Variants in PCDH9 observed in about 807,000 individuals in gnomAD.
The protein encoded by PCDH9 is protocadherin-9.
Under a neutral mutation model 70.6 loss-of-function variants are expected in PCDH9, and 24 were observed. That is an observed-to-expected ratio of 0.34 (90% CI 0.25 to 0.48). The LOEUF (loss-of-function observed/expected upper bound fraction) is 0.48. PCDH9 is among the 20% of genes least tolerant of loss of function. The pLI is 0.99. For missense variants in PCDH9, 1,281 were observed against 1,503.6 expected (o/e 0.85, Z 2.45); for synonymous variants, 562 against 558.5 (o/e 1.01, Z -0.09).
intron 2 of PCDH9, among the ~76,000 whole-genome samples, chr13:67,176,229 G>A (rs934076215): frequency 6.6e-6 from 1 of 152,278 alleles, no homozygotes; most frequent in Admixed American, 6.5e-5. Context: ...CTCAAAAAGA[G>A]CGGTGATGCA....
chr13:66,646,212 AGTGAT>A (rs1396352161), intron 3 of PCDH9, among the ~76,000 whole-genome samples: 1 of 152,224 alleles, frequency 6.6e-6, no homozygotes, highest in Non-Finnish European at 1.5e-5. Flanking sequence ...ACAGAGATGT[AGTGAT>A]GTTTACCTTT....
At chr13:66,380,693 G>A (rs541378907) in intron 4 of PCDH9, among the ~76,000 whole-genome samples, 25 of 151,996 alleles carry the variant, frequency 1.6e-4, no homozygotes, top group African/African-American at 5.3e-4. Flanking sequence ...ACAGGCGCCC[G>A]CCACCACGCC....
In PCDH9 at chr13:66,631,433, A is replaced by G. The variant is rs368776975; in HGVS notation, c.3139-22T>C. The G allele has an allele frequency of 1.4e-5, 19 of 1,406,618 alleles. No homozygotes were observed. The African/African-American group carries it at 1.4e-4, about 10-fold the overall frequency. 87.1% of individuals were successfully genotyped at this position (1,406,618 alleles called of 1,614,324 possible). ...GCGACTACAAAGAAGACCACAGGACATGCTGATTAACACTCCTCTCAAATA... is the reference window on the plus strand; with the variant it reads ...GCGACTACAAAGAAGACCACAGGACGTGCTGATTAACACTCCTCTCAAATA... On this transcript the variant is annotated intron_variant, in intron 3 of 4. Coordinates refer to ENST00000377865, the MANE Select transcript of PCDH9 (RefSeq NM_203487.3).
At chr13:67,079,704 T>C (rs540425638) in intron 2 of PCDH9, among the ~76,000 whole-genome samples, 1 of 152,304 alleles carries the variant, frequency 6.6e-6, no homozygotes, top group East Asian at 1.9e-4. Flanking sequence ...GACCTCTCCC[T>C]TTCTAGACTT....
intron 3 of PCDH9, among the ~76,000 whole-genome samples, chr13:66,700,927 T>TAA (rs1404401076): frequency 1.9e-4 from 10 of 53,584 alleles, no homozygotes; most frequent in East Asian, 4.9e-4. Flanking sequence ...CATATAAATA[T>TAA]ATATATATAT....
chr13:66,812,027 A>T (rs2080517573), intron 3 of PCDH9, among the ~76,000 whole-genome samples: 1 of 152,148 alleles, frequency 6.6e-6, no homozygotes, highest in Admixed American at 6.6e-5. Flanking sequence ...CCACCCAAAC[A>T]GTAAACGTTG....
chr13:67,191,091 C>T (rs1265439921), intron 2 of PCDH9, among the ~76,000 whole-genome samples: 1 of 152,052 alleles, frequency 6.6e-6, no homozygotes, highest in Non-Finnish European at 1.5e-5. Flanking sequence ...AATATCCACT[C>T]ATATCATGAT....
intron 4 of PCDH9, among the ~76,000 whole-genome samples, chr13:66,348,562 T>C (rs1171808195): frequency 2.0e-5 from 3 of 152,034 alleles, no homozygotes; most frequent in African/African-American, 7.2e-5. Context: ...CACACCTGGC[T>C]AATTTTCACT....
intron 3 of PCDH9, among the ~76,000 whole-genome samples, chr13:66,846,912 C>CAA (rs1468587181): frequency 6.9e-6 from 1 of 144,676 alleles, no homozygotes; most frequent in Non-Finnish European, 1.5e-5. Context: ...CACACACAAA[C>CAA]ACACACAGAG....
intron 4 of PCDH9, among the ~76,000 whole-genome samples, chr13:66,358,230 G>T (rs1323674358): frequency 6.6e-6 from 1 of 151,886 alleles, no homozygotes; most frequent in Non-Finnish European, 1.5e-5. Context: ...TTAAGGGAAA[G>T]TCTCAGTTTT....
chr13:66,436,542 TC>T (rs1216917458), intron 4 of PCDH9, among the ~76,000 whole-genome samples: 1 of 152,186 alleles, frequency 6.6e-6, no homozygotes, highest in African/African-American at 2.4e-5. Context: ...ACCCATTTTC[TC>T]AGCTTTGCTT....
chr13:67,213,539 T>A (rs1408390897), intron 2 of PCDH9: 1 of 152,060 alleles, frequency 6.6e-6, no homozygotes, highest in African/African-American at 2.4e-5. Context: ...ACAATCCTTG[T>A]AATAACCCTA....
At chr13:67,028,528 C>T (rs930316826) in intron 2 of PCDH9, among the ~76,000 whole-genome samples, 1 of 151,590 alleles carries the variant, frequency 6.6e-6, no homozygotes, top group Non-Finnish European at 1.5e-5. Flanking sequence ...TGTAACTAAC[C>T]TGTACATTGT....
At chr13:66,923,203 A>T (rs1481425653) in intron 2 of PCDH9, among the ~76,000 whole-genome samples, 1 of 151,554 alleles carries the variant, frequency 6.6e-6, no homozygotes, top group Non-Finnish European at 1.5e-5. Flanking sequence ...TTTTCACAGA[A>T]TTAATTTATA....
At chr13:66,683,553 G>T (rs1342328569) in intron 3 of PCDH9, among the ~76,000 whole-genome samples, 2 of 152,130 alleles carry the variant, frequency 1.3e-5, no homozygotes, top group African/African-American at 4.8e-5. Context: ...CACTATGTTG[G>T]TGGGCACCCT....
At chr13:66,579,804 A>C (rs747606997) in intron 4 of PCDH9, among the ~76,000 whole-genome samples, 3 of 152,046 alleles carry the variant, frequency 2.0e-5, no homozygotes, top group Non-Finnish European at 4.4e-5. Flanking sequence ...AAACATGATA[A>C]AGGTAGAATT....
chr13:66,428,997 G>T (rs560289645), intron 4 of PCDH9, among the ~76,000 whole-genome samples: 3 of 150,852 alleles, frequency 2.0e-5, no homozygotes. Flanking sequence ...AAAGAAAGTT[G>T]AAAAGACGAA....
intron 4 of PCDH9, among the ~76,000 whole-genome samples, chr13:66,384,067 A>G (rs1956888904): frequency 6.6e-6 from 1 of 152,132 alleles, no homozygotes; most frequent in South Asian, 2.1e-4. Flanking sequence ...AATAATTAAC[A>G]TATTAGTCAT....
At chr13:66,614,348 G>C (rs1025892192) in intron 4 of PCDH9, among the ~76,000 whole-genome samples, 2 of 152,132 alleles carry the variant, frequency 1.3e-5, no homozygotes, top group Non-Finnish European at 2.9e-5. Flanking sequence ...ATTCAAAAAA[G>C]GGTATTTATG....
Sources: gnomAD v4.1 joint callset for allele counts (sites outside exome capture counted in the v4.1 genomes callset) on GRCh38, gnomAD v4.1.1 for gene constraint, MANE v1.5 for transcripts, NCBI Gene and HGNC (gene_info 2026-07-23, HGNC 2026-07-21) for gene names.